UGT1A9: variants seen among roughly 807,000 people sequenced by gnomAD.
UGT1A9 encodes UDP glucuronosyltransferase family 1 member A9.
Under a neutral mutation model 45.0 loss-of-function variants are expected in UGT1A9, and 35 were observed. The ratio of observed to expected loss-of-function variants is 0.78; its 90% CI spans 0.59 to 1.03. The LOEUF (loss-of-function observed/expected upper bound fraction) is 1.03. UGT1A9 is among the 50% of genes least tolerant of loss of function. The probability of loss-of-function intolerance (pLI) is 0.00; values close to 1 mark genes in which losing one functional copy is unlikely to be tolerated. For missense variants in UGT1A9, 687 were observed against 666.6 expected (o/e 1.03, Z -0.34); for synonymous variants, 278 against 250.6 (o/e 1.11, Z -1.03).
chr2:233,727,233 T>C (rs17864698), intron 1 of UGT1A9, among the ~76,000 whole-genome samples: 72 of 152,246 alleles, frequency 4.7e-4, no homozygotes, highest in Non-Finnish European at 7.8e-4. Context: ...TGCGGATGGC[T>C]CCAAGTCTAT....
intron 1 of UGT1A9, chr2:233,760,250 G>A (rs1489611347): frequency 6.2e-7 from 1 of 1,601,220 alleles, no homozygotes; most frequent in Non-Finnish European, 8.5e-7. Context: ...ATATATATAA[G>A]TAGGAGAGGG....
At chr2:233,679,399 T>C (rs7595138) in intron 1 of UGT1A9, among the ~76,000 whole-genome samples, 93,381 of 151,990 alleles carry the variant, frequency 0.61, 28,951 homozygotes, top group South Asian at 0.65. Context: ...TTTCAAGGCT[T>C]GAGGTTTGGC....
Position 233,769,401 on chromosome 2 carries a change from G to A in UGT1A9, c.1295+962G>A. On this transcript the variant is annotated intron_variant, in intron 4 of 4. Coordinates refer to ENST00000354728, the MANE Select transcript of UGT1A9 (RefSeq NM_021027.3). This position sits in a 1 kb window ranked among gnomAD's most constrained non-coding sequence, Gnocchi z 4.4. ...CCGACAATAGATACTGTGTGCATATGTGCGTGTGCGTTTGTGCATGTGGCT... is the reference window on the plus strand; with the variant it reads ...CCGACAATAGATACTGTGTGCATATATGCGTGTGCGTTTGTGCATGTGGCT... 1 of 1,194,732 alleles carries A rather than the reference G, an allele frequency of 8.4e-7. No homozygotes were observed. 74.0% of individuals were successfully genotyped at this position (1,194,732 alleles called of 1,614,324 possible).
chr2:233,745,474 T>C (rs1693117475), intron 1 of UGT1A9, among the ~76,000 whole-genome samples: 1 of 151,746 alleles, frequency 6.6e-6, no homozygotes, highest in African/African-American at 2.4e-5. Context: ...GGGAAAATGA[T>C]TAACCAAAGA....
rs762827824 is a variant in UGT1A9 at position 233,693,652 on chromosome 2, G to C, written c.855+20863G>C. 1.9e-6 allele frequency: 3 copies of C among 1,614,184 alleles called. No individual in the cohort carries two copies. Among genetic ancestry groups the C allele is most frequent in the Non-Finnish European group, 1.7e-6 (2 of 1,180,030 alleles). On this transcript the variant is annotated intron_variant, in intron 1 of 4. Coordinates refer to ENST00000354728, the MANE Select transcript of UGT1A9 (RefSeq NM_021027.3). Reference sequence around the variant, plus strand: ...GAGTGGCCAACTTCCTTGTTAATTTGTTGGAGCCCTATCTATTTTATTGTC... The same window carrying C: ...GAGTGGCCAACTTCCTTGTTAATTTCTTGGAGCCCTATCTATTTTATTGTC...
rs200461003 is a variant in UGT1A9, at chr2:233,713,543, C to A, written c.855+40754C>A. ...TTCCATGTGATTTAGACTTTAAGGGCACACAGTGTCCAAACCCTTCCTCCT... is the reference window on the plus strand; with the variant it reads ...TTCCATGTGATTTAGACTTTAAGGGAACACAGTGTCCAAACCCTTCCTCCT... On this transcript the variant is annotated intron_variant, in intron 1 of 4. Coordinates refer to ENST00000354728, the MANE Select transcript of UGT1A9 (RefSeq NM_021027.3). 2.1e-4 allele frequency: 343 copies of A among 1,613,956 alleles called. 1 individual carries two copies. The highest frequency in any genetic ancestry group is 4.2e-6 in the Non-Finnish European group (5 of 1,179,872).
intron 1 of UGT1A9, chr2:233,713,716 A>T (rs771701943): frequency 1.9e-6 from 3 of 1,613,702 alleles, no homozygotes; most frequent in Non-Finnish European, 2.5e-6. Flanking sequence ...TTTCAGAGAG[A>T]GGTGTCAGTG....
At chr2:233,729,044 T>G (rs1356759266) in intron 1 of UGT1A9, 1 of 1,607,146 alleles carries the variant, frequency 6.2e-7, no homozygotes, top group East Asian at 2.2e-5. Context: ...AGTGGCTCAG[T>G]GACAAGGTAA....
chr2:233,708,692 A>C (rs1281876444), intron 1 of UGT1A9: 3 of 152,284 alleles, frequency 2.0e-5, no homozygotes, highest in Non-Finnish European at 4.4e-5. Context: ...TCAAGGTTCC[A>C]GTGAGCTATG....
At chr2:233,755,259 T>C in intron 1 of UGT1A9, 1 of 802,542 alleles carries the variant, frequency 1.2e-6, no homozygotes, top group African/African-American at 1.7e-5. Context: ...CACCTCGTAG[T>C]AGTCCACTAT....
intron 1 of UGT1A9, among the ~76,000 whole-genome samples, chr2:233,684,147 C>T (rs1409199509): frequency 6.6e-6 from 1 of 152,182 alleles, no homozygotes; most frequent in East Asian, 1.9e-4. Context: ...CTTTGTAACA[C>T]AGTCACATTC....
chr2:233,764,521 T>A (rs2126010678), intron 1 of UGT1A9, among the ~76,000 whole-genome samples: 1 of 152,314 alleles, frequency 6.6e-6, no homozygotes, highest in African/African-American at 2.4e-5. Context: ...GTGAATCACA[T>A]CCTGCTGATT....
chr2:233,755,198 G>A (rs1452134349), intron 1 of UGT1A9: 1 of 1,110,818 alleles, frequency 9.0e-7, no homozygotes, highest in Non-Finnish European at 1.3e-6. Flanking sequence ...GCGCCAGCTT[G>A]CGGTACGCCT....
At chr2:233,681,894 G>A in intron 1 of UGT1A9, 1 of 1,587,714 alleles carries the variant, frequency 6.3e-7, no homozygotes. Flanking sequence ...CTATATTATA[G>A]GAGCTTAGAA....
At chr2:233,765,064 G>A (rs1050662538) in intron 1 of UGT1A9, among the ~76,000 whole-genome samples, 2 of 152,202 alleles carry the variant, frequency 1.3e-5, no homozygotes, top group Admixed American at 1.3e-4. Flanking sequence ...CCTGTCAGAG[G>A]TCTCCTGTGT....
At chr2:233,722,528 A>G (rs2077020073) in intron 1 of UGT1A9, among the ~76,000 whole-genome samples, 1 of 152,150 alleles carries the variant, frequency 6.6e-6, no homozygotes, top group African/African-American at 2.4e-5. Context: ...TTTTGCCTTA[A>G]TGATTTCATC....
intron 1 of UGT1A9, among the ~76,000 whole-genome samples, chr2:233,757,535 A>AATATATATACATATATATAT (rs376887521): frequency 1.4e-3 from 127 of 87,896 alleles, no homozygotes; most frequent in Non-Finnish European, 1.8e-3. Context: ...GCCTGTAAGG[A>AATATATATACATATATATAT]ATATATATAT....
At chr2:233,682,816 A>G (rs28969714) in intron 1 of UGT1A9, 1 of 1,580,878 alleles carries the variant, frequency 6.3e-7, no homozygotes, top group Non-Finnish European at 8.6e-7. Context: ...CCTTTAGCAC[A>G]TTAAGAATAA....
chr2:233,747,202 T>A (rs1693588071), intron 1 of UGT1A9: 1 of 1,604,794 alleles, frequency 6.2e-7, no homozygotes, highest in South Asian at 1.1e-5. Flanking sequence ...GCTGTCCGTG[T>A]CTTCTGCTGA....
Sources: gnomAD v4.1 joint callset for allele counts (sites outside exome capture counted in the v4.1 genomes callset) on GRCh38, gnomAD v4.1.1 for gene constraint, Gnocchi (gnomAD v3.1) non-coding constraint, MANE v1.5 for transcripts, NCBI Gene and HGNC (gene_info 2026-07-23, HGNC 2026-07-21) for gene names.